The following RBFOX1 variants were observed in gnomAD, a reference collection of about 807,000 sequenced individuals.
RBFOX1 encodes the protein RNA binding fox-1 homolog 1, also known as RNA binding protein fox-1 homolog 1.
A neutral mutation model predicts 57.7 loss-of-function variants in RBFOX1; 8 were observed. The ratio of observed to expected loss-of-function variants is 0.14; its 90% CI spans 0.08 to 0.25. The LOEUF (loss-of-function observed/expected upper bound fraction) is 0.25. Ranked by LOEUF, RBFOX1 falls within the 10% of genes least tolerant of loss-of-function variation. RBFOX1 has a pLI of 1.00. For missense variants in RBFOX1, 611 were observed against 548.5 expected (o/e 1.11, Z -1.14); for synonymous variants, 326 against 222.4 (o/e 1.47, Z -4.15).
chr16:7,643,776 G>A (rs1034277025), intron 11 of RBFOX1, among the ~76,000 whole-genome samples: 3 of 152,134 alleles, frequency 2.0e-5, no homozygotes, highest in African/African-American at 4.8e-5. Context: ...CCCTATGGCC[G>A]GCATCCAATT....
intron 3 of RBFOX1, among the ~76,000 whole-genome samples, chr16:5,608,885 T>C (rs750081426): frequency 6.6e-6 from 1 of 152,248 alleles, no homozygotes; most frequent in Non-Finnish European, 1.5e-5. Flanking sequence ...CTCTGCTCTT[T>C]AGTGCCCCTA....
chr16:5,891,371 C>A (rs1228746263), intron 4 of RBFOX1, among the ~76,000 whole-genome samples: 4 of 152,126 alleles, frequency 2.6e-5, no homozygotes, highest in Non-Finnish European at 5.9e-5. Flanking sequence ...GTGTTCTTTC[C>A]CCAAAACAAG....
At chr16:6,396,234 G>C (rs994062367) in intron 2 of RBFOX1, among the ~76,000 whole-genome samples, 1 of 152,026 alleles carries the variant, frequency 6.6e-6, no homozygotes, top group Non-Finnish European at 1.5e-5. Context: ...TAAGTAGGCA[G>C]AAATTGAAGG....
At chr16:5,976,883 A>C (rs1431609029) in intron 4 of RBFOX1, among the ~76,000 whole-genome samples, 5 of 152,200 alleles carry the variant, frequency 3.3e-5, no homozygotes, top group African/African-American at 1.2e-4. Flanking sequence ...TGTATCAATA[A>C]GGTCTTGCTA....
intron 2 of RBFOX1, among the ~76,000 whole-genome samples, chr16:6,599,720 C>G (rs1440705315): frequency 6.6e-6 from 1 of 152,202 alleles, no homozygotes; most frequent in African/African-American, 2.4e-5. Flanking sequence ...TACTCTGTTT[C>G]CCATCCCAGT....
chr16:6,056,391 TC>T (rs1377666643), intron 1 of RBFOX1, among the ~76,000 whole-genome samples: 2 of 152,224 alleles, frequency 1.3e-5, no homozygotes, highest in African/African-American at 4.8e-5. Context: ...CTTTCTCTTT[TC>T]CTCGATCTCT....
At position 7,228,606 on chromosome 16, in the gene RBFOX1, C is replaced by T. The variant is rs558236486; in HGVS notation, c.27+176508C>T. Among the ~76,000 whole-genome samples, 6 of 152,280 alleles carry T rather than the reference C, an allele frequency of 3.9e-5. No individual in the cohort carries two copies. In the East Asian group the frequency reaches 7.7e-4, roughly 20 times the overall value. The stretch of plus-strand genomic sequence containing the variant: ...CACACAGCCGTAAGGGAGTAGAGAC[C>T]TGATTCAAATCTTGGGCTAGAAGGA... On this transcript the variant is annotated intron_variant, in intron 4 of 15. Transcript: ENST00000550418.
At chr16:7,313,455 CT>C (rs1007212490) in intron 4 of RBFOX1, among the ~76,000 whole-genome samples, 21 of 124,316 alleles carry the variant, frequency 1.7e-4, no homozygotes, top group African/African-American at 2.4e-4. Context: ...TCTTTTTTAT[CT>C]TTTTTTTTCT....
chr16:7,196,570 C>T (rs529829843), intron 4 of RBFOX1, among the ~76,000 whole-genome samples: 33 of 152,322 alleles, frequency 2.2e-4, no homozygotes, highest in African/African-American at 7.9e-4. Flanking sequence ...TGACAACAAT[C>T]CTGAGCCATG....
At chr16:7,433,252 A>G (rs1042908163) in intron 4 of RBFOX1, among the ~76,000 whole-genome samples, 1 of 152,192 alleles carries the variant, frequency 6.6e-6, no homozygotes, top group African/African-American at 2.4e-5. Context: ...AAAAACACAT[A>G]GTGGGCAGAG....
chr16:5,583,522 G>A (rs894471755), intron 2 of RBFOX1, among the ~76,000 whole-genome samples: 6 of 152,106 alleles, frequency 3.9e-5, no homozygotes, highest in Admixed American at 1.3e-4. Flanking sequence ...TTCTGACCGC[G>A]AGGCAATCCT....
intron 3 of RBFOX1, among the ~76,000 whole-genome samples, chr16:6,877,951 A>C (rs1052304881): frequency 6.6e-6 from 1 of 152,164 alleles, no homozygotes; most frequent in African/African-American, 2.4e-5. Flanking sequence ...TTGGATTAGC[A>C]AAAAGTAGGG....
intron 4 of RBFOX1, among the ~76,000 whole-genome samples, chr16:7,143,439 T>A (rs115658479): frequency 0.014 from 2,203 of 152,190 alleles, 64 homozygotes; most frequent in African/African-American, 0.05. Context: ...TAAAATAAAA[T>A]GTGCCTCAGT....
At chr16:5,610,531 A>G (rs1265135356) in intron 3 of RBFOX1, 1 of 152,150 alleles carries the variant, frequency 6.6e-6, no homozygotes, top group East Asian at 1.9e-4. Flanking sequence ...TACAAAGTTG[A>G]AAAGTAAAAA....
Position 5,947,800 on chromosome 16 carries a change from C to T in RBFOX1, c.351+80465C>T, listed in dbSNP as rs2059433572. 6.6e-6 allele frequency among the ~76,000 whole-genome samples: 1 copy of T among 152,176 alleles called. No homozygotes were observed. Among genetic ancestry groups the T allele is most frequent in the South Asian group, 2.1e-4 (1 of 4,822 alleles). On this transcript the variant is annotated intron_variant, in intron 4 of 19. Coordinates refer to the RBFOX1 transcript ENST00000641259. The surrounding 1 kb of genome is among the most constrained non-coding windows in gnomAD (Gnocchi z 7.2). Reference sequence around the variant, plus strand: ...GGATACAGCTGCCCTTGGTATTCTTCATGGTGATAATGGAAACCTAAGTTG... The same window carrying T: ...GGATACAGCTGCCCTTGGTATTCTTTATGGTGATAATGGAAACCTAAGTTG...
chr16:6,620,334 C>T (rs528280478), intron 2 of RBFOX1, among the ~76,000 whole-genome samples: 34 of 152,232 alleles, frequency 2.2e-4, no homozygotes, highest in African/African-American at 1.9e-4. Context: ...ATCTCTGAGA[C>T]GCAGCTAAGG....
chr16:6,414,382 C>G (rs1041492561), intron 2 of RBFOX1, among the ~76,000 whole-genome samples: 1 of 152,150 alleles, frequency 6.6e-6, no homozygotes, highest in Non-Finnish European at 1.5e-5. Context: ...ATGTATTTCC[C>G]GGGCACCTAC....
At chr16:7,549,515 G>A (rs140177703) in intron 5 of RBFOX1, among the ~76,000 whole-genome samples, 34 of 152,258 alleles carry the variant, frequency 2.2e-4, no homozygotes, top group Non-Finnish European at 1.3e-4. Context: ...ACAATAGGTC[G>A]TCTGCAAGCT....
At chr16:6,149,235 G>A (rs908874919) in intron 1 of RBFOX1, among the ~76,000 whole-genome samples, 2 of 152,238 alleles carry the variant, frequency 1.3e-5, no homozygotes, top group East Asian at 1.9e-4. Context: ...GCGCGTGCGC[G>A]GATGTGTGTG....
Sources: gnomAD v4.1 joint callset for allele counts (sites outside exome capture counted in the v4.1 genomes callset) on GRCh38, gnomAD v4.1.1 for gene constraint, Gnocchi (gnomAD v3.1) non-coding constraint, MANE v1.5 for transcripts, NCBI Gene and HGNC (gene_info 2026-07-23, HGNC 2026-07-21) for gene names.